EFCAB13: variants seen among roughly 807,000 people sequenced by gnomAD.
The protein encoded by EFCAB13 is EF-hand calcium binding domain 13, also known as EF-hand calcium-binding domain-containing protein 13.
EFCAB13 carries 91 observed loss-of-function variants against 110.2 expected under a neutral mutation model. That is an observed-to-expected ratio of 0.83 (90% confidence interval 0.70 to 0.98). EFCAB13 has a LOEUF of 0.98. Ranked by LOEUF, EFCAB13 falls within the 50% of genes least tolerant of loss-of-function variation. The pLI, the probability that EFCAB13 is intolerant of heterozygous loss-of-function variation, is 0.00. For missense variants in EFCAB13, 968 were observed against 1,119.4 expected (o/e 0.86, Z 1.93); for synonymous variants, 323 against 369.9 (o/e 0.87, Z 1.45).
intron 15 of EFCAB13, among the ~76,000 whole-genome samples, chr17:47,392,458 G>A (rs1274201877): frequency 6.6e-6 from 1 of 152,152 alleles, no homozygotes; most frequent in Non-Finnish European, 1.5e-5. Flanking sequence ...GTGTGTGTTG[G>A]GGGGTGGGGG....
chr17:47,439,323 C>T (rs1478624201), intron 24 of EFCAB13, among the ~76,000 whole-genome samples: 1 of 151,674 alleles, frequency 6.6e-6, no homozygotes, highest in Non-Finnish European at 1.5e-5. Context: ...ATTACAGGCT[C>T]CTGCCACCAC....
At chr17:47,359,066 C>G (rs2065495901) in intron 9 of EFCAB13, among the ~76,000 whole-genome samples, 1 of 152,168 alleles carries the variant, frequency 6.6e-6, no homozygotes, top group South Asian at 2.1e-4. Context: ...GGCATGGTGG[C>G]TCATGCCTGT....
At chr17:47,378,043 A>C in intron 13 of EFCAB13, 140 bp downstream of exon 13, 1 of 797,008 alleles carries the variant, frequency 1.3e-6, no homozygotes. Flanking sequence ...CAGATATAAA[A>C]ATGGAAAATA....
chr17:47,345,129 C>T (rs1372040800), intron 8 of EFCAB13, 31 bp downstream of exon 8: 6 of 1,482,008 alleles, frequency 4.0e-6, no homozygotes, highest in Middle Eastern at 3.4e-4. Flanking sequence ...TTCTTGAATA[C>T]ATTTCCTGGT....
Position 47,366,316 on chromosome 17 carries a change from T to G in EFCAB13, c.806-4121T>G, listed in dbSNP as rs2065545493. On this transcript the variant is annotated intron_variant, in intron 10 of 24. Transcript: ENST00000331493. ...TGAAATACTGTATTGGTATAGCAGT[T>G]TTTTTTTTTTTTCTCTCATGGAGGT... 2.1e-5 allele frequency among the ~76,000 whole-genome samples: 3 copies of G among 144,858 alleles called. No individual in the cohort carries two copies. The South Asian group carries it at 6.3e-4, about 31-fold the overall frequency.
chr17:47,354,844 G>A (rs1477196949), intron 9 of EFCAB13, among the ~76,000 whole-genome samples: 1 of 152,164 alleles, frequency 6.6e-6, no homozygotes, highest in East Asian at 1.9e-4. Flanking sequence ...TGTCTTTTAA[G>A]TGGAGCATTT....
intron 24 of EFCAB13, among the ~76,000 whole-genome samples, chr17:47,438,969 C>T (rs1030334822): frequency 6.6e-6 from 1 of 152,042 alleles, no homozygotes; most frequent in African/African-American, 2.4e-5. Flanking sequence ...TCCTGTATTT[C>T]CAAGCTTCTT....
At chr17:47,436,556 G>A (rs556152231) in intron 24 of EFCAB13, among the ~76,000 whole-genome samples, 34 of 152,102 alleles carry the variant, frequency 2.2e-4, no homozygotes, top group Middle Eastern at 3.4e-3. Flanking sequence ...ATTTATGTGC[G>A]CAAGGGTGTT....
chr17:47,335,319 C>T lies in EFCAB13; in HGVS notation c.154C>T (p.Pro52Ser). 6.2e-7 allele frequency: 1 copy of T among 1,605,000 alleles called. No homozygotes were observed. Among genetic ancestry groups the T allele is most frequent in the Non-Finnish European group, 8.5e-7 (1 of 1,177,238 alleles). The change falls in exon 5 of 25, where the codon CCG becomes TCG. Residue 52 changes from proline to serine, a missense_variant. Transcript: ENST00000331493. The stretch of plus-strand genomic sequence containing the variant: ...TAAAACAATAGAGAAGGAAATTTCA[C>T]CGGAAATTAGGAGTTTGAGCCCAGA... ...FSKTIEKEIS[P>S]EIRSLSPEYK...
intron 9 of EFCAB13, among the ~76,000 whole-genome samples, chr17:47,350,374 A>G (rs925486138): frequency 7.9e-5 from 12 of 152,118 alleles, no homozygotes; most frequent in Admixed American, 2.0e-4. Flanking sequence ...TATTTTCACC[A>G]TGTCATTTTC....
intron 6 of EFCAB13, among the ~76,000 whole-genome samples, chr17:47,342,621 T>G (rs1353612907): frequency 6.6e-6 from 1 of 152,204 alleles, no homozygotes; most frequent in Admixed American, 6.5e-5. Context: ...CCCTCTGTCT[T>G]AGTATTTGCT....
chr17:47,328,150 A>AT (rs1481099110), intron 3 of EFCAB13, 119 bp from the exon 4 acceptor site: 16 of 554,704 alleles, frequency 2.9e-5, no homozygotes, highest in Non-Finnish European at 5.2e-5. Context: ...TGTTGGTGAA[A>AT]TGTTGTGTAT....
intron 23 of EFCAB13, among the ~76,000 whole-genome samples, chr17:47,416,783 A>G (rs999302176): frequency 6.6e-6 from 1 of 152,204 alleles, no homozygotes; most frequent in East Asian, 1.9e-4. Flanking sequence ...ATATTATAGC[A>G]TGAATTAGTA....
chr17:47,391,798 T>A (rs2065709648), intron 15 of EFCAB13, among the ~76,000 whole-genome samples: 2 of 152,024 alleles, frequency 1.3e-5, no homozygotes, highest in Admixed American at 1.3e-4. Context: ...AAAAAAAAAT[T>A]TTATTTATTT....
At chr17:47,420,300 C>T (rs1275055951) in intron 23 of EFCAB13, among the ~76,000 whole-genome samples, 2 of 152,222 alleles carry the variant, frequency 1.3e-5, no homozygotes, top group African/African-American at 4.8e-5. Context: ...CTCGCTACAA[C>T]CTCCACCTCC....
rs147962311 is a variant in EFCAB13 at position 47,438,256 on chromosome 17, G to A, written c.2639-2175G>A. Among the ~76,000 whole-genome samples, 579 of 152,296 alleles carry A rather than the reference G, an allele frequency of 3.8e-3. 6 individuals carry two copies. The highest frequency in any genetic ancestry group is 0.014 in the African/African-American group (562 of 41,572). ...ACTTTGGATAACCTGATGACAATGT[G>A]CCTAGGCGAAGATTGTTTTGCTATG... is the stretch of plus-strand genomic sequence containing the variant. On this transcript the variant is annotated intron_variant, in intron 24 of 24. Transcript: ENST00000331493.
chr17:47,358,452 C>T (rs758884727), intron 9 of EFCAB13, among the ~76,000 whole-genome samples: 4 of 151,952 alleles, frequency 2.6e-5, no homozygotes, highest in Non-Finnish European at 5.9e-5. Flanking sequence ...AATATAATTA[C>T]TGGTCATTTA....
intron 15 of EFCAB13, 48 bp downstream of exon 15, chr17:47,391,628 G>T: frequency 6.8e-7 from 1 of 1,463,980 alleles, no homozygotes. Context: ...TCTGGAAGGA[G>T]GGTCAATTTG....
intron 8 of EFCAB13, 24 bp downstream of exon 8, chr17:47,345,122 T>G: frequency 1.3e-6 from 2 of 1,514,840 alleles, no homozygotes; most frequent in Non-Finnish European, 1.8e-6. Context: ...CTAAAATTTC[T>G]TGAATACATT....
Sources: gnomAD v4.1 joint callset for allele counts (sites outside exome capture counted in the v4.1 genomes callset) on GRCh38, gnomAD v4.1.1 for gene constraint, MANE v1.5 for transcripts, NCBI Gene and HGNC (gene_info 2026-07-23, HGNC 2026-07-21) for gene names.